The following IL19 variants were observed in gnomAD, a reference collection of about 807,000 sequenced individuals.
The protein encoded by IL19 is interleukin 19, also known as interleukin-19.
IL19 carries 15 observed loss-of-function variants against 19.5 expected under a neutral mutation model. That is an observed-to-expected ratio of 0.77 (90% CI 0.52 to 1.19). The LOEUF is 1.19. Among genes scored for constraint, IL19 ranks in the 50% most tolerant of loss-of-function variants. The pLI, the probability that IL19 is intolerant of heterozygous loss-of-function variation, is 0.00. For missense variants in IL19, 199 were observed against 213.1 expected (o/e 0.93, Z 0.41); for synonymous variants, 78 against 78.3 (o/e 1.00, Z 0.02).
intron 1 of IL19, among the ~76,000 whole-genome samples, chr1:206,781,954 TAC>T (rs1427065911): frequency 1.2e-5 from 1 of 86,766 alleles, no homozygotes; most frequent in African/African-American, 4.0e-5. Context: ...TAGTTATATA[TAC>T]ATATATATGT....
At chr1:206,831,104 C>T (rs1676596178) in intron 2 of IL19, among the ~76,000 whole-genome samples, 2 of 152,094 alleles carry the variant, frequency 1.3e-5, no homozygotes, top group South Asian at 2.1e-4. Flanking sequence ...TGTATGCGCT[C>T]AAGACTCAGT....
At chr1:206,810,119 C>G (rs1226101566) in intron 2 of IL19, among the ~76,000 whole-genome samples, 1 of 152,194 alleles carries the variant, frequency 6.6e-6, no homozygotes, top group African/African-American at 2.4e-5. Flanking sequence ...AAGTGCAAGA[C>G]TTTACTAATA....
Position 206,839,878 on chromosome 1 carries a change from A to G in IL19, c.239A>G (p.Asn80Ser). 6.2e-7 allele frequency: 1 copy of G among 1,613,914 alleles called. No individual in the cohort carries two copies. Among genetic ancestry groups the G allele is most frequent in the Non-Finnish European group, 8.5e-7 (1 of 1,179,964 alleles). ...KPLDVCCVTK[N>S]LLAFYVDRVF... ...TTAGATGTGTGCTGCGTGACCAAGA[A>G]CCTCCTGGCGTTCTACGTGGACAGG... The change falls in exon 5 of 7, where the codon AAC (asparagine) becomes AGC (serine). Residue 80 changes from asparagine to serine, a missense_variant. Coordinates refer to ENST00000659997, the MANE Select transcript of IL19 (RefSeq NM_153758.5).
chr1:206,837,027 T>C lies in IL19; in HGVS notation c.210+4T>C. The stretch of plus-strand genomic sequence containing the variant: ...GGAGACTCTGCAGATCATTAAGGTA[T>C]TGGCCTGTGTCTGCTTTTTCCAGTA... On this transcript the variant is annotated splice_donor_region_variant and intron_variant, in intron 4 of 6. Transcript: ENST00000659997. The C allele has an allele frequency of 1.9e-6, 3 of 1,609,832 alleles. No individual in the cohort carries two copies. Among genetic ancestry groups the C allele is most frequent in the Non-Finnish European group, 2.6e-6 (3 of 1,176,326 alleles).
intron 4 of IL19, 27 bp downstream of exon 4, chr1:206,837,050 G>T: frequency 6.4e-7 from 1 of 1,572,558 alleles, no homozygotes; most frequent in Non-Finnish European, 8.7e-7. Context: ...GCTTTTTCCA[G>T]TATTTTTATC....
chr1:206,813,823 T>A (rs1480004135), intron 2 of IL19, among the ~76,000 whole-genome samples: 1 of 152,160 alleles, frequency 6.6e-6, no homozygotes, highest in Non-Finnish European at 1.5e-5. Context: ...TGACTTTAAG[T>A]AAAGGAGATG....
intron 1 of IL19, among the ~76,000 whole-genome samples, chr1:206,793,477 G>A (rs976084213): frequency 2.0e-5 from 3 of 152,154 alleles, no homozygotes; most frequent in Non-Finnish European, 4.4e-5. Context: ...TGCTCTGATC[G>A]AATGCCTCCG....
At chr1:206,813,536 C>T (rs1489646783) in intron 2 of IL19, among the ~76,000 whole-genome samples, 2 of 152,092 alleles carry the variant, frequency 1.3e-5, no homozygotes, top group Non-Finnish European at 2.9e-5. Flanking sequence ...ACTAAGACAA[C>T]AAGCACTGGC....
chr1:206,772,552 C>T, intron 1 of IL19: 1 of 927,734 alleles, frequency 1.1e-6, no homozygotes, highest in Non-Finnish European at 1.7e-6. Context: ...CCTCTTCATT[C>T]ATTAAAAAGC....
At chr1:206,835,663 T>A (rs1183550366) in intron 2 of IL19, among the ~76,000 whole-genome samples, 1 of 152,204 alleles carries the variant, frequency 6.6e-6, no homozygotes, top group Non-Finnish European at 1.5e-5. Flanking sequence ...CACACACAGC[T>A]GTAAATGGGA....
Position 206,771,064 on chromosome 1 carries a change from G to C in IL19, c.-163G>C, listed in dbSNP as rs760929586. 2.5e-6 allele frequency: 4 copies of C among 1,614,074 alleles called. No individual in the cohort carries two copies. Among genetic ancestry groups the C allele is most frequent in the Non-Finnish European group, 2.5e-6 (3 of 1,179,950 alleles). ...GGCTTGGCAACCCAGGTAACCCTAAGGGCAGGAGCCAAAGGTGAGTGAGAG... is the reference window on the plus strand; with the variant it reads ...GGCTTGGCAACCCAGGTAACCCTAACGGCAGGAGCCAAAGGTGAGTGAGAG... On this transcript the variant is annotated 5_prime_UTR_variant, in exon 1 of 7. Transcript: ENST00000659997.
At chr1:206,818,817 C>T (rs377030678) in intron 2 of IL19, among the ~76,000 whole-genome samples, 8 of 138,654 alleles carry the variant, frequency 5.8e-5, no homozygotes, top group Non-Finnish European at 6.1e-5. Flanking sequence ...CTTTTTCTTT[C>T]TTTTTTTTTT....
At chr1:206,834,194 C>T in intron 2 of IL19, 1 of 985,046 alleles carries the variant, frequency 1.0e-6, no homozygotes, top group Non-Finnish European at 1.2e-6. Context: ...GATTAATCAG[C>T]TATATCTTAA....
At chr1:206,836,310 A>G (rs1343592884) in intron 2 of IL19, among the ~76,000 whole-genome samples, 1 of 152,144 alleles carries the variant, frequency 6.6e-6, no homozygotes, top group Non-Finnish European at 1.5e-5. Flanking sequence ...TATTTAATTT[A>G]TTAAAAACAA....
At position 206,842,865 on chromosome 1, in the gene IL19, C is replaced by A; in HGVS notation, c.*243C>A. On this transcript the variant is annotated 3_prime_UTR_variant, in exon 7 of 7. Coordinates refer to ENST00000659997, the MANE Select transcript of IL19 (RefSeq NM_153758.5). ...TCCTGGGAGTAAAGGGCTGCCTTCC[C>A]ATCTAATTTATTGTAAAGTCATATA... 2.4e-6 allele frequency: 1 copy of A among 422,248 alleles called. No individual in the cohort carries two copies. 26.2% of individuals were successfully genotyped at this position (422,248 alleles called of 1,614,324 possible).
chr1:206,821,903 T>C (rs771953173), intron 2 of IL19, among the ~76,000 whole-genome samples: 2 of 152,164 alleles, frequency 1.3e-5, no homozygotes, highest in Admixed American at 6.5e-5. Context: ...GCACCTTAAT[T>C]TGGAAGAGGT....
chr1:206,772,625 C>T, intron 1 of IL19: 1 of 600,950 alleles, frequency 1.7e-6, no homozygotes, highest in Non-Finnish European at 2.9e-6. Flanking sequence ...TCTAACCTCT[C>T]TAATAAACTT....
In IL19 at chr1:206,837,013, A is replaced by G; in HGVS notation, c.200A>G (p.Gln67Arg). ...ATCCTGTCCACATTGGAGACTCTGCAGATCATTAAGGTATTGGCCTGTGTC... is the reference window on the plus strand; with the variant it reads ...ATCCTGTCCACATTGGAGACTCTGCGGATCATTAAGGTATTGGCCTGTGTC... The part of the protein sequence containing the change: ...VTILSTLETL[Q>R]IIKPLDVCCV... Residue 67 changes from glutamine (Q) to arginine (R), a missense_variant, in exon 4 of 7, where the codon CAG becomes CGG. By Grantham distance (43) the Gln-to-Arg change is conservative. Transcript: ENST00000659997. 6.2e-7 allele frequency: 1 copy of G among 1,613,018 alleles called. No individual in the cohort carries two copies. Among genetic ancestry groups the G allele is most frequent in the African/African-American group, 1.3e-5 (1 of 75,006 alleles).
chr1:206,781,867 AGTT>A (rs1675142039), intron 1 of IL19, among the ~76,000 whole-genome samples: 6 of 136,146 alleles, frequency 4.4e-5, no homozygotes, highest in Non-Finnish European at 9.3e-5. Context: ...ATATGTATAT[AGTT>A]ATATATACAT....
Sources: allele counts gnomAD v4.1 joint callset (sites outside exome capture counted in the v4.1 genomes callset), GRCh38; gene constraint gnomAD v4.1.1; transcripts MANE v1.5; gene names NCBI Gene and HGNC (gene_info 2026-07-23, HGNC 2026-07-21).